The following NDST4 variants were observed in gnomAD, a reference collection of about 807,000 sequenced individuals.
NDST4 encodes N-deacetylase and N-sulfotransferase 4.
In NDST4, 63 loss-of-function variants were observed where a neutral mutation model predicts 100.8. That is an observed-to-expected ratio of 0.62 (90% CI 0.51 to 0.77). NDST4 has a LOEUF of 0.77. Among genes scored for constraint, NDST4 ranks in the 30% least tolerant of loss-of-function variants. NDST4 has a pLI of 0.00. For missense variants in NDST4, 943 were observed against 1,018.4 expected (o/e 0.93, Z 1.01); for synonymous variants, 377 against 361.8 (o/e 1.04, Z -0.48).
At chr4:115,073,424 T>C (rs1225807773) in intron 2 of NDST4, among the ~76,000 whole-genome samples, 1 of 152,014 alleles carries the variant, frequency 6.6e-6, no homozygotes, top group East Asian at 1.9e-4. Context: ...AAGCATCTTA[T>C]CAGTGGATAA....
intron 1 of NDST4, among the ~76,000 whole-genome samples, chr4:115,084,683 C>A (rs773681922): frequency 2.6e-5 from 4 of 152,176 alleles, no homozygotes; most frequent in Admixed American, 6.5e-5. Flanking sequence ...AAGCCCCAAG[C>A]CTTGGTGGCT....
At chr4:114,900,070 C>T (rs945351634) in intron 6 of NDST4, among the ~76,000 whole-genome samples, 1 of 152,068 alleles carries the variant, frequency 6.6e-6, no homozygotes, top group South Asian at 2.1e-4. Flanking sequence ...CAGATTTGGT[C>T]TTTCAAAGAA....
At chr4:114,972,899 C>A (rs1346851895) in intron 3 of NDST4, among the ~76,000 whole-genome samples, 1 of 151,966 alleles carries the variant, frequency 6.6e-6, no homozygotes, top group Non-Finnish European at 1.5e-5. Flanking sequence ...AAAATCTTAG[C>A]AATTTTTATA....
chr4:115,082,055 T>G (rs1324653227), intron 1 of NDST4, among the ~76,000 whole-genome samples: 5 of 152,168 alleles, frequency 3.3e-5, no homozygotes, highest in African/African-American at 1.2e-4. Context: ...AATGTGGGCT[T>G]CATGACCCCT....
At chr4:114,963,669 G>C (rs917992754) in intron 4 of NDST4, among the ~76,000 whole-genome samples, 2 of 152,162 alleles carry the variant, frequency 1.3e-5, no homozygotes, top group Non-Finnish European at 2.9e-5. Context: ...CGTCAAATTA[G>C]TCAGTTCTAA....
chr4:115,043,205 T>G (rs1487009758), intron 2 of NDST4, among the ~76,000 whole-genome samples: 1 of 152,070 alleles, frequency 6.6e-6, no homozygotes, highest in African/African-American at 2.4e-5. Context: ...ATGATAAATA[T>G]GCAAAATATT....
At chr4:115,084,287 A>C (rs1578509985) in intron 1 of NDST4, among the ~76,000 whole-genome samples, 1 of 152,180 alleles carries the variant, frequency 6.6e-6, no homozygotes, top group Admixed American at 6.5e-5. Flanking sequence ...TATCTGGTGG[A>C]AGAAATTTCT....
intron 2 of NDST4, among the ~76,000 whole-genome samples, chr4:115,069,802 G>T (rs1729033048): frequency 6.6e-6 from 1 of 152,182 alleles, no homozygotes; most frequent in Non-Finnish European, 1.5e-5. Context: ...AGAATTGCTT[G>T]AACCTGGGAG....
At chr4:114,990,059 G>A (rs1218402072) in intron 2 of NDST4, among the ~76,000 whole-genome samples, 1 of 151,944 alleles carries the variant, frequency 6.6e-6, no homozygotes, top group Non-Finnish European at 1.5e-5. Flanking sequence ...TTTCATGAGA[G>A]CTCAAGAAGT....
At chr4:115,020,563 A>T (rs1348497718) in intron 2 of NDST4, among the ~76,000 whole-genome samples, 1 of 152,154 alleles carries the variant, frequency 6.6e-6, no homozygotes, top group Non-Finnish European at 1.5e-5. Context: ...CTGGGGCTTA[A>T]TTAAACTAAA....
At chr4:114,883,771 G>T (rs1292242928) in intron 6 of NDST4, among the ~76,000 whole-genome samples, 4 of 152,040 alleles carry the variant, frequency 2.6e-5, no homozygotes, top group Non-Finnish European at 5.9e-5. Flanking sequence ...GTAGGGAATG[G>T]TTTCGGATGA....
At chr4:114,922,242 T>C (rs926688819) in intron 6 of NDST4, among the ~76,000 whole-genome samples, 2 of 152,170 alleles carry the variant, frequency 1.3e-5, no homozygotes, top group African/African-American at 4.8e-5. Flanking sequence ...GGCTCAAGCA[T>C]GCACAGTAAG....
At chr4:114,924,384 G>T (rs941046940) in intron 6 of NDST4, among the ~76,000 whole-genome samples, 4 of 151,194 alleles carry the variant, frequency 2.6e-5, no homozygotes, top group African/African-American at 9.7e-5. Context: ...TTACAGAAGT[G>T]GTGATTCATG....
intron 2 of NDST4, among the ~76,000 whole-genome samples, chr4:115,049,489 G>A (rs1728538254): frequency 6.6e-6 from 1 of 151,962 alleles, no homozygotes; most frequent in African/African-American, 2.4e-5. Flanking sequence ...AATCATGTAG[G>A]GGGACCAAGC....
intron 4 of NDST4, among the ~76,000 whole-genome samples, chr4:114,956,482 T>C (rs1376805370): frequency 6.6e-6 from 1 of 152,192 alleles, no homozygotes; most frequent in Non-Finnish European, 1.5e-5. Flanking sequence ...AGAAACTTTC[T>C]ATCTAGAGAG....
chr4:114,992,903 C>T (rs1193278387), intron 2 of NDST4, among the ~76,000 whole-genome samples: 1 of 151,774 alleles, frequency 6.6e-6, no homozygotes, highest in Non-Finnish European at 1.5e-5. Flanking sequence ...ATCAACTACT[C>T]ACTGATGGTC....
chr4:114,929,216 T>G (rs1047898585), intron 6 of NDST4, among the ~76,000 whole-genome samples: 1 of 151,952 alleles, frequency 6.6e-6, no homozygotes, highest in African/African-American at 2.4e-5. Context: ...CTAAGACATC[T>G]GATAACTTCC....
Position 115,101,385 on chromosome 4 carries a change from A to G in NDST4, c.-247+12059T>C, listed in dbSNP as rs999474040. On this transcript the variant is annotated intron_variant, in intron 1 of 13. Transcript: ENST00000264363. ...TAGAAATGGAATTTAAATTCTTTGC[A>G]GGAAGTGTAAGTTAAAGGATAGAAA... Among the ~76,000 whole-genome samples the G allele has an allele frequency of 3.9e-5, 6 of 152,020 alleles. No individual in the cohort carries two copies. In the East Asian group the frequency reaches 1.2e-3, roughly 29 times the overall value.
intron 4 of NDST4, among the ~76,000 whole-genome samples, chr4:114,937,991 A>G (rs529493593): frequency 1.3e-5 from 2 of 152,198 alleles, no homozygotes; most frequent in Non-Finnish European, 2.9e-5. Context: ...TTCGATTTCA[A>G]CAAGGTAGAT....
Sources: gnomAD v4.1 joint callset for allele counts (sites outside exome capture counted in the v4.1 genomes callset) on GRCh38, gnomAD v4.1.1 for gene constraint, MANE v1.5 for transcripts, NCBI Gene and HGNC (gene_info 2026-07-23, HGNC 2026-07-21) for gene names.